The following ZC3H12B variants were observed in gnomAD, a reference collection of about 807,000 sequenced individuals.
The protein encoded by ZC3H12B is zinc finger CCCH-type containing 12B, also known as probable ribonuclease ZC3H12B.
Under a neutral mutation model 43.9 loss-of-function variants are expected in ZC3H12B, and 7 were observed. That is an observed-to-expected ratio of 0.16 (90% CI 0.09 to 0.30). The LOEUF (loss-of-function observed/expected upper bound fraction) is 0.30. Ranked by LOEUF, ZC3H12B falls within the 10% of genes least tolerant of loss-of-function variation. The pLI, the probability that ZC3H12B is intolerant of heterozygous loss-of-function variation, is 1.00. For synonymous variants in ZC3H12B, 222 were observed against 241.7 expected (o/e 0.92, Z 0.76); for missense variants, 475 against 670.2 (o/e 0.71, Z 3.22).
intron 1 of ZC3H12B, among the ~76,000 whole-genome samples, chrX:65,495,456 G>A (rs1324085485): frequency 2.7e-5 from 3 of 111,834 alleles, no homozygotes; most frequent in Non-Finnish European, 3.8e-5. Flanking sequence ...CCAGTGAGAA[G>A]GTGAGGAATC....
At chrX:65,378,301 G>A (rs1036548789) in intron 2 of ZC3H12B, among the ~76,000 whole-genome samples, 2 of 111,325 alleles carry the variant, frequency 1.8e-5, no homozygotes, top group East Asian at 5.6e-4. Flanking sequence ...GAAATTGAAA[G>A]ATTAAAAAGA....
chrX:65,123,078 C>T, the ZC3H12B span, among the ~76,000 whole-genome samples: 2 of 112,006 alleles, frequency 1.8e-5, no homozygotes, highest in Non-Finnish European at 3.8e-5. Context: ...ATAAATAGCT[C>T]TTTTTATTTT....
the ZC3H12B span, among the ~76,000 whole-genome samples, chrX:65,153,208 G>A: frequency 1.2e-4 from 13 of 111,983 alleles, no homozygotes; most frequent in African/African-American, 3.9e-4. Context: ...AAAAGCAATG[G>A]CAACAAAAGC....
At chrX:65,252,024 G>C in the ZC3H12B span, among the ~76,000 whole-genome samples, 2 of 111,874 alleles carry the variant, frequency 1.8e-5, no homozygotes, top group Non-Finnish European at 3.8e-5. Flanking sequence ...AGTTTTCAAA[G>C]GGAATACTTC....
the ZC3H12B span, among the ~76,000 whole-genome samples, chrX:65,176,202 G>A: frequency 1.6e-4 from 18 of 111,661 alleles, no homozygotes; most frequent in Non-Finnish European, 3.2e-4. Flanking sequence ...GGCTTGGTGG[G>A]GGGAGGGGAT....
chrX:65,375,266 C>T (rs1054633447), intron 2 of ZC3H12B, among the ~76,000 whole-genome samples: 3 of 111,868 alleles, frequency 2.7e-5, no homozygotes, highest in African/African-American at 6.5e-5. Flanking sequence ...TAGACCAGCC[C>T]CAGCCAGAGG....
At chrX:65,387,359 G>C (rs1010517167) in intron 2 of ZC3H12B, among the ~76,000 whole-genome samples, 6 of 111,946 alleles carry the variant, frequency 5.4e-5, no homozygotes, top group African/African-American at 1.9e-4. Context: ...AGGATAGTTA[G>C]ATTTTCTTGT....
At chrX:65,389,724 T>C (rs182687167) in intron 2 of ZC3H12B, among the ~76,000 whole-genome samples, 72 of 112,505 alleles carry the variant, frequency 6.4e-4, no homozygotes, top group South Asian at 2.9e-3. Flanking sequence ...TCTGCGTCGC[T>C]CATGCTGGGA....
chrX:65,291,084 A>G, the ZC3H12B span, among the ~76,000 whole-genome samples: 5 of 111,064 alleles, frequency 4.5e-5, no homozygotes, highest in African/African-American at 1.6e-4. Context: ...TATAAATAAG[A>G]AAAAACAAAA....
the ZC3H12B span, among the ~76,000 whole-genome samples, chrX:65,326,590 G>C: frequency 8.2e-5 from 9 of 109,116 alleles, no homozygotes; most frequent in African/African-American, 3.0e-4. Flanking sequence ...CCTAGTGTTA[G>C]ATAGATTGTC....
chrX:65,214,056 T>C, the ZC3H12B span, among the ~76,000 whole-genome samples: 1 of 110,953 alleles, frequency 9.0e-6, no homozygotes, highest in Non-Finnish European at 1.9e-5. Context: ...AAAATGTACA[T>C]ATCTTATTTC....
At chrX:65,069,350 A>T in the ZC3H12B span, among the ~76,000 whole-genome samples, 1 of 106,574 alleles carries the variant, frequency 9.4e-6, no homozygotes, top group East Asian at 3.0e-4. Context: ...CTCAATGTAT[A>T]TTTTAAAATA....
At chrX:65,279,919 A>G in the ZC3H12B span, among the ~76,000 whole-genome samples, 3 of 112,465 alleles carry the variant, frequency 2.7e-5, no homozygotes, top group East Asian at 2.8e-4. Context: ...AAGGACATGA[A>G]AAGACACTTC....
chrX:65,405,786 A>G (rs1344848552), intron 3 of ZC3H12B, among the ~76,000 whole-genome samples: 3 of 112,225 alleles, frequency 2.7e-5, no homozygotes, highest in Non-Finnish European at 5.6e-5. Flanking sequence ...AGATTCAAAT[A>G]AAAGCATTAG....
At chrX:65,201,745 C>T in the ZC3H12B span, among the ~76,000 whole-genome samples, 2 of 106,345 alleles carry the variant, frequency 1.9e-5, no homozygotes, top group Admixed American at 2.1e-4. Flanking sequence ...GCTCTGTCCC[C>T]GCCACAAATC....
chrX:65,057,459 G>T, the ZC3H12B span, among the ~76,000 whole-genome samples: 1 of 112,044 alleles, frequency 8.9e-6, no homozygotes, highest in East Asian at 2.8e-4. Flanking sequence ...TCTGCTGTTA[G>T]TCTGATGGGC....
intron 3 of ZC3H12B, among the ~76,000 whole-genome samples, chrX:65,401,083 G>GAA (rs113577235): frequency 6.8e-5 from 6 of 88,774 alleles, no homozygotes; most frequent in Admixed American, 2.5e-4. Context: ...ATCTACAGAG[G>GAA]AAAAAAAAAA....
At chrX:65,073,973 C>T in the ZC3H12B span, among the ~76,000 whole-genome samples, 2 of 112,061 alleles carry the variant, frequency 1.8e-5, no homozygotes, top group Non-Finnish European at 3.8e-5. Context: ...CCCAGTCCCT[C>T]AGTGGCAGCT....
At chrX:65,165,981 C>A in the ZC3H12B span, among the ~76,000 whole-genome samples, 1 of 111,901 alleles carries the variant, frequency 8.9e-6, no homozygotes, top group Admixed American at 9.5e-5. Context: ...TTTTAATAAT[C>A]GCTATTCTAA....
Sources: gnomAD v4.1 joint callset for allele counts (sites outside exome capture counted in the v4.1 genomes callset) on GRCh38, gnomAD v4.1.1 for gene constraint, MANE v1.5 for transcripts, NCBI Gene and HGNC (gene_info 2026-07-23, HGNC 2026-07-21) for gene names.